The following ANXA10 variants were observed in gnomAD, a reference collection of about 807,000 sequenced individuals.
ANXA10 encodes annexin 14.
A neutral mutation model predicts 53.5 loss-of-function variants in ANXA10; 49 were observed. The observed-to-expected ratio is 0.92, with a 90% confidence interval of 0.73 to 1.16. The LOEUF is 1.16. ANXA10 is among the 50% of genes most tolerant of loss of function. ANXA10 has a pLI of 0.00. For missense variants in ANXA10, 393 were observed against 394.4 expected (o/e 1.00, Z 0.03); for synonymous variants, 131 against 128.9 (o/e 1.02, Z -0.11).
intron 2 of ANXA10, among the ~76,000 whole-genome samples, chr4:168,129,881 C>T (rs1248156815): frequency 6.6e-6 from 1 of 152,136 alleles, no homozygotes; most frequent in Non-Finnish European, 1.5e-5. Context: ...CCCATGCATT[C>T]TTATAACCAT....
At chr4:168,148,736 T>A (rs1731446626) in intron 3 of ANXA10, among the ~76,000 whole-genome samples, 1 of 152,166 alleles carries the variant, frequency 6.6e-6, no homozygotes, top group South Asian at 2.1e-4. Context: ...TTTCTTCTAA[T>A]ACCCAATTCT....
chr4:168,136,118 G>C (rs573003011), intron 2 of ANXA10, among the ~76,000 whole-genome samples: 1 of 152,022 alleles, frequency 6.6e-6, no homozygotes, highest in Admixed American at 6.6e-5. Context: ...ACCAGCAAGG[G>C]GGAAATCTGC....
intron 1 of ANXA10, among the ~76,000 whole-genome samples, chr4:168,119,323 A>G (rs115283477): frequency 5.3e-4 from 81 of 152,288 alleles, no homozygotes; most frequent in African/African-American, 1.9e-3. Context: ...ACATAATTGG[A>G]AATAGGCTGT....
Position 168,110,964 on chromosome 4 carries a change from C to A in ANXA10, c.19-17120C>A, listed in dbSNP as rs188299483. Among the ~76,000 whole-genome samples, 24 of 152,260 alleles carry A rather than the reference C, an allele frequency of 1.6e-4. No homozygotes were observed. In the East Asian group the frequency reaches 4.6e-3, roughly 29 times the overall value. On this transcript the variant is annotated intron_variant, in intron 1 of 11. Coordinates refer to ENST00000359299, the MANE Select transcript of ANXA10 (RefSeq NM_007193.5). ...ATTAACATCTCAAGAACATACAGTT[C>A]TCTAGATAATAATATCACTGGTCTC... is the stretch of plus-strand genomic sequence containing the variant.
At chr4:168,096,877 G>A (rs1332079910) in intron 1 of ANXA10, among the ~76,000 whole-genome samples, 2 of 103,216 alleles carry the variant, frequency 1.9e-5, no homozygotes, top group Admixed American at 1.1e-4. Flanking sequence ...TTCTAGAGGG[G>A]AGGTTAAGTT....
chr4:168,157,832 C>T (rs1292810351), intron 3 of ANXA10, among the ~76,000 whole-genome samples: 1 of 152,028 alleles, frequency 6.6e-6, no homozygotes, highest in Non-Finnish European at 1.5e-5. Flanking sequence ...CATATATATA[C>T]CAATATTTGT....
intron 3 of ANXA10, among the ~76,000 whole-genome samples, chr4:168,160,658 TGAACTGATTTACACTCCCAGA>T (rs1731766780): frequency 6.6e-6 from 1 of 152,192 alleles, no homozygotes; most frequent in East Asian, 1.9e-4. Flanking sequence ...CCACAACGGT[TGAACTGATTTACACTCCCAGA>T]GTGTAAAAAT....
intron 1 of ANXA10, among the ~76,000 whole-genome samples, chr4:168,109,432 T>A (rs1033309506): frequency 3.9e-5 from 6 of 152,136 alleles, no homozygotes; most frequent in Non-Finnish European, 7.4e-5. Context: ...ATGAAGAAAA[T>A]CGATATCAAA....
rs556735070 is a variant in ANXA10, at chr4:168,128,907, GAGA to G, written c.100+748_100+750del. ...AAAGTTTAGAAAAAGTATATAGAGA[GAGA>G]AGAAGGGAGGACAATTTTGGGATTC... On this transcript the variant is annotated intron_variant, in intron 2 of 11. Coordinates refer to ENST00000359299, the MANE Select transcript of ANXA10 (RefSeq NM_007193.5). Among the ~76,000 whole-genome samples the G allele has an allele frequency of 5.5e-3, 836 of 151,946 alleles. 7 individuals carry two copies. The highest frequency in any genetic ancestry group is 9.3e-3 in the Non-Finnish European group (634 of 67,958).
At chr4:168,144,676 G>A (rs1731380683) in intron 3 of ANXA10, among the ~76,000 whole-genome samples, 1 of 152,196 alleles carries the variant, frequency 6.6e-6, no homozygotes, top group African/African-American at 2.4e-5. Context: ...CACACATAGT[G>A]TACCCACAAC....
chr4:168,097,942 T>G (rs932878089), intron 1 of ANXA10, among the ~76,000 whole-genome samples: 11 of 152,096 alleles, frequency 7.2e-5, no homozygotes, highest in African/African-American at 2.7e-4. Flanking sequence ...TCACTTGCAT[T>G]TTTCCAAGTG....
chr4:168,139,586 G>C lies in ANXA10; in HGVS notation c.195+6G>C, dbSNP rs777901066. 1.2e-6 allele frequency: 2 copies of C among 1,605,510 alleles called. No individual in the cohort carries two copies. The highest frequency in any genetic ancestry group is 3.3e-5 in the Admixed American group (2 of 59,902). On this transcript the variant is annotated splice_donor_region_variant and intron_variant, in intron 3 of 11. Coordinates refer to ENST00000359299, the MANE Select transcript of ANXA10 (RefSeq NM_007193.5). Reference sequence around the variant, plus strand: ...ACCAGAGCATGTATGGCCGGGTAAGGCCACTTTATCTTGACCTATTTCTAG... The same window carrying C: ...ACCAGAGCATGTATGGCCGGGTAAGCCCACTTTATCTTGACCTATTTCTAG...
At chr4:168,103,891 T>C (rs773996885) in intron 1 of ANXA10, among the ~76,000 whole-genome samples, 2 of 151,984 alleles carry the variant, frequency 1.3e-5, no homozygotes, top group Non-Finnish European at 2.9e-5. Flanking sequence ...TTTAATTTTC[T>C]TATTGCATTG....
intron 1 of ANXA10, among the ~76,000 whole-genome samples, chr4:168,098,411 A>G (rs1324408249): frequency 2.0e-5 from 3 of 152,134 alleles, no homozygotes; most frequent in African/African-American, 7.2e-5. Context: ...ATTTTTCAGT[A>G]TAGCCTCACA....
At chr4:168,153,467 AAAACCAATAACAAC>A (rs1731539945) in intron 3 of ANXA10, among the ~76,000 whole-genome samples, 1 of 118,042 alleles carries the variant, frequency 8.5e-6, no homozygotes, top group African/African-American at 3.3e-5. Context: ...AACAAAAAAA[AAAACCAATAACAAC>A]AACAAAATAA....
intron 3 of ANXA10, among the ~76,000 whole-genome samples, chr4:168,156,020 ATATAT>A (rs1731648289): frequency 1.1e-4 from 1 of 9,276 alleles, no homozygotes; most frequent in African/African-American, 4.6e-4. Context: ...GTTATATATA[ATATAT>A]TATATATAGT....
At chr4:168,132,688 G>A (rs757352709) in intron 2 of ANXA10, among the ~76,000 whole-genome samples, 1 of 152,048 alleles carries the variant, frequency 6.6e-6, no homozygotes, top group Non-Finnish European at 1.5e-5. Context: ...CATTCTTCAT[G>A]ATGTGCTTAT....
chr4:168,181,891 G>C (rs774490985), intron 10 of ANXA10, 150 bp downstream of exon 10: 18 of 626,424 alleles, frequency 2.9e-5, no homozygotes, highest in Non-Finnish European at 5.0e-5. Context: ...AACTGGTTTA[G>C]ACACCAAAAA....
At chr4:168,150,702 CATG>C (rs1382544382) in intron 3 of ANXA10, among the ~76,000 whole-genome samples, 9 of 152,190 alleles carry the variant, frequency 5.9e-5, no homozygotes, top group East Asian at 1.9e-4. Context: ...ACGTTCAAAA[CATG>C]GTGGTGTTAG....
Sources: gnomAD v4.1 joint callset for allele counts (sites outside exome capture counted in the v4.1 genomes callset) on GRCh38, gnomAD v4.1.1 for gene constraint, MANE v1.5 for transcripts, NCBI Gene and HGNC (gene_info 2026-07-23, HGNC 2026-07-21) for gene names.